PPP1R12B: variants seen among roughly 807,000 people sequenced by gnomAD.
PPP1R12B encodes the protein myosin phosphatase target subunit 2.
In PPP1R12B, 76 loss-of-function variants were observed where a neutral mutation model predicts 126.1. The ratio of observed to expected loss-of-function variants is 0.60; its 90% CI spans 0.50 to 0.73. PPP1R12B has a LOEUF of 0.73. PPP1R12B is among the 30% of genes least tolerant of loss of function. The pLI is 0.00. For missense variants in PPP1R12B, 1,052 were observed against 1,205.1 expected, an observed-to-expected ratio of 0.87 and a Z score of 1.88; for synonymous variants, 356 against 434.7, an observed-to-expected ratio of 0.82 and a Z score of 2.25.
intron 1 of PPP1R12B, among the ~76,000 whole-genome samples, chr1:202,376,858 AC>A (rs1661253473): frequency 6.6e-6 from 1 of 152,226 alleles, no homozygotes; most frequent in African/African-American, 2.4e-5. Flanking sequence ...TGAATCTTTT[AC>A]ACCAAGCTTG....
chr1:202,499,175 C>A (rs1489605112), intron 18 of PPP1R12B, among the ~76,000 whole-genome samples: 1 of 152,140 alleles, frequency 6.6e-6, no homozygotes, highest in Admixed American at 6.5e-5. Flanking sequence ...TGATACTAAT[C>A]TATGGTGATA....
At chr1:202,489,055 G>A (rs1193847589) in intron 14 of PPP1R12B, among the ~76,000 whole-genome samples, 2 of 152,008 alleles carry the variant, frequency 1.3e-5, no homozygotes, top group African/African-American at 2.4e-5. Flanking sequence ...ACAAGACAAA[G>A]CAAAACACAC....
intron 13 of PPP1R12B, among the ~76,000 whole-genome samples, chr1:202,486,033 C>T (rs1678072804): frequency 6.6e-6 from 1 of 152,118 alleles, no homozygotes. Flanking sequence ...AGGCATGTGC[C>T]ACTGCACCCG....
chr1:202,416,524 C>CT (rs1553277863), intron 1 of PPP1R12B, among the ~76,000 whole-genome samples: 5 of 41,872 alleles, frequency 1.2e-4, no homozygotes, highest in African/African-American at 2.1e-4. Context: ...GAAACTCTGT[C>CT]TAAAAAAAAA....
chr1:202,446,236 C>CTCTCTCTCTCTCTA (rs1491246158), intron 12 of PPP1R12B, among the ~76,000 whole-genome samples: 4 of 88,046 alleles, frequency 4.5e-5, no homozygotes, highest in Non-Finnish European at 8.6e-5. Context: ...CTCTCTCTCT[C>CTCTCTCTCTCTCTA]TATATATATA....
At chr1:202,573,498 CT>C (rs1688803181) in intron 23 of PPP1R12B, among the ~76,000 whole-genome samples, 3 of 152,212 alleles carry the variant, frequency 2.0e-5, no homozygotes, top group Non-Finnish European at 4.4e-5. Flanking sequence ...ATATGAGAGA[CT>C]TTTCTCTGAT....
intron 1 of PPP1R12B, among the ~76,000 whole-genome samples, chr1:202,365,474 A>T (rs1186560452): frequency 1.3e-5 from 2 of 152,172 alleles, no homozygotes; most frequent in African/African-American, 4.8e-5. Context: ...GCTGCTTTAT[A>T]CCAAGTGTTG....
At chr1:202,536,180 G>C (rs1342372306) in intron 18 of PPP1R12B, among the ~76,000 whole-genome samples, 1 of 152,162 alleles carries the variant, frequency 6.6e-6, no homozygotes. Flanking sequence ...TAACGACAGG[G>C]ATACATTCTA....
At chr1:202,514,900 C>T (rs548050159) in intron 18 of PPP1R12B, among the ~76,000 whole-genome samples, 13 of 152,286 alleles carry the variant, frequency 8.5e-5, no homozygotes, top group African/African-American at 2.9e-4. Context: ...CCTAAATGCC[C>T]ATCAGTGACA....
intron 10 of PPP1R12B, chr1:202,439,839 C>T (rs1366737153): frequency 2.7e-6 from 1 of 366,682 alleles, no homozygotes. Context: ...TGGGGCCAGC[C>T]TCAGTTTCTC....
rs563990633 is a variant in PPP1R12B, at chr1:202,416,934, G to A, written c.422+17G>A. 1.1e-4 allele frequency: 170 copies of A among 1,608,990 alleles called. 2 individuals are homozygous for A. In the South Asian group the frequency reaches 1.8e-3, roughly 17 times the overall value. ...CATAGCAGAGTGAGTGAGTCTCTGT[G>A]TGTGTGGCTTTGTAGTATTTGTAGG... On this transcript the variant is annotated intron_variant, in intron 2 of 23. Transcript: ENST00000608999.
rs958373320 is a variant in PPP1R12B at position 202,580,749 on chromosome 1, A to G, written c.*189A>G. 2 of 552,086 alleles carry G rather than the reference A, an allele frequency of 3.6e-6. No homozygotes were observed. Among genetic ancestry groups the G allele is most frequent in the African/African-American group, 3.8e-5 (2 of 52,816 alleles). 34.2% of individuals were successfully genotyped at this position (552,086 alleles called of 1,614,324 possible). On this transcript the variant is annotated 3_prime_UTR_variant, in exon 24 of 24. Coordinates refer to ENST00000608999, the MANE Select transcript of PPP1R12B (RefSeq NM_002481.4). Reference sequence around the variant, plus strand: ...CACTTTCAATGCCCTGTTCTTCCAAACCCCTATCCCAAGTTTTATGACAGT... The same window carrying G: ...CACTTTCAATGCCCTGTTCTTCCAAGCCCCTATCCCAAGTTTTATGACAGT...
chr1:202,521,450 A>G (rs1433945715), intron 18 of PPP1R12B, among the ~76,000 whole-genome samples: 2 of 152,220 alleles, frequency 1.3e-5, no homozygotes, highest in Admixed American at 6.5e-5. Flanking sequence ...AAAATTCTCA[A>G]TATATGTACA....
chr1:202,401,592 A>G (rs1474588491), intron 1 of PPP1R12B, among the ~76,000 whole-genome samples: 6 of 152,138 alleles, frequency 3.9e-5, no homozygotes, highest in Non-Finnish European at 8.8e-5. Context: ...GTTAATAGCA[A>G]TACTTGGACT....
intron 19 of PPP1R12B, among the ~76,000 whole-genome samples, chr1:202,562,319 C>T (rs1225046243): frequency 6.6e-6 from 1 of 152,194 alleles, no homozygotes; most frequent in Admixed American, 6.5e-5. Context: ...ACGTAGCATG[C>T]CCTAGTGGCC....
rs1039418830 is a variant in PPP1R12B at position 202,565,018 on chromosome 1, G to A, written c.2757+471G>A. ...GCCATATAACAAATCAAGGGCAAAG[G>A]TGGTGCCACAACATAGGGTTAAGTC... On this transcript the variant is annotated intron_variant, in intron 21 of 23. Coordinates refer to ENST00000608999, the MANE Select transcript of PPP1R12B (RefSeq NM_002481.4). The surrounding 1 kb of genome is among the most constrained non-coding windows in gnomAD (Gnocchi z 4.3). Among the ~76,000 whole-genome samples, 1 of 152,224 alleles carries A rather than the reference G, an allele frequency of 6.6e-6. No individual in the cohort carries two copies. The highest frequency in any genetic ancestry group is 1.5e-5 in the Non-Finnish European group (1 of 68,048).
At chr1:202,548,764 CACTCGCTCGCTG>C (rs1291379803) in intron 18 of PPP1R12B, among the ~76,000 whole-genome samples, 3 of 139,928 alleles carry the variant, frequency 2.1e-5, no homozygotes, top group Admixed American at 7.7e-5. Flanking sequence ...TGCGCTCGCT[CACTCGCTCGCTG>C]TCTCTCTCTC....
intron 1 of PPP1R12B, among the ~76,000 whole-genome samples, chr1:202,377,983 C>T (rs1661521091): frequency 6.6e-6 from 1 of 151,094 alleles, no homozygotes. Flanking sequence ...GGACTACAGG[C>T]GCCCGCCACC....
Position 202,586,802 on chromosome 1 carries a change from T to C in PPP1R12B, c.*6242T>C, listed in dbSNP as rs1689843452. On this transcript the variant is annotated 3_prime_UTR_variant, in exon 24 of 24. Transcript: ENST00000608999. ...CTTCGGGAGAACTGTAAGTAAGAGG[T>C]GGGTGTGTCTAAAGACAATACCATT... 1 of 152,206 alleles carries C rather than the reference T, an allele frequency of 6.6e-6. No homozygotes were observed. Among genetic ancestry groups the C allele is most frequent in the South Asian group, 2.1e-4 (1 of 4,830 alleles). 9.4% of individuals were successfully genotyped at this position (152,206 alleles called of 1,614,324 possible). A position where few individuals can be genotyped will look rare whatever the true frequency, so the allele number is the denominator to read the frequency against.
Sources: gnomAD v4.1 joint callset for allele counts (sites outside exome capture counted in the v4.1 genomes callset) on GRCh38, gnomAD v4.1.1 for gene constraint, Gnocchi (gnomAD v3.1) non-coding constraint, MANE v1.5 for transcripts, NCBI Gene and HGNC (gene_info 2026-07-23, HGNC 2026-07-21) for gene names.